Variants in RABGAP1L observed in about 807,000 individuals in gnomAD.
RABGAP1L encodes RAB GTPase activating protein 1 like.
A neutral mutation model predicts 137.7 loss-of-function variants in RABGAP1L; 63 were observed. The ratio of observed to expected loss-of-function variants is 0.46; its 90% confidence interval spans 0.37 to 0.56. RABGAP1L has a LOEUF of 0.56. Among genes scored for constraint, RABGAP1L ranks in the 20% least tolerant of loss-of-function variants. The pLI is 0.00. For synonymous variants in RABGAP1L, 431 were observed against 433.7 expected (o/e 0.99, Z 0.08); for missense variants, 1,095 against 1,244.0 (o/e 0.88, Z 1.80).
At chr1:174,640,022 T>C (rs1238499090) in intron 14 of RABGAP1L, among the ~76,000 whole-genome samples, 1 of 152,166 alleles carries the variant, frequency 6.6e-6, no homozygotes, top group Admixed American at 6.6e-5. Flanking sequence ...CACACTAAAT[T>C]TTGTGAAGAT....
chr1:174,225,972 CG>C (rs371608154), intron 3 of RABGAP1L, among the ~76,000 whole-genome samples: 6 of 152,136 alleles, frequency 3.9e-5, no homozygotes, highest in African/African-American at 1.4e-4. Context: ...AGTACCACCG[CG>C]ACTACCAGCA....
At chr1:174,575,231 C>T (rs1387386078) in intron 13 of RABGAP1L, among the ~76,000 whole-genome samples, 1 of 152,102 alleles carries the variant, frequency 6.6e-6, no homozygotes, top group African/African-American at 2.4e-5. Context: ...TGCCTGGCCT[C>T]TTTTAAAAGT....
At chr1:174,596,536 A>T (rs1189197879) in intron 13 of RABGAP1L, among the ~76,000 whole-genome samples, 3 of 152,210 alleles carry the variant, frequency 2.0e-5, no homozygotes, top group Non-Finnish European at 2.9e-5. Context: ...TGGCATATTT[A>T]AATGCTATTG....
At chr1:174,224,105 G>A (rs1390666032) in intron 3 of RABGAP1L, among the ~76,000 whole-genome samples, 1 of 152,126 alleles carries the variant, frequency 6.6e-6, no homozygotes, top group African/African-American at 2.4e-5. Flanking sequence ...GAAAACAATG[G>A]AGCATATTTT....
chr1:174,430,580 A>G (rs1268620845), intron 13 of RABGAP1L, among the ~76,000 whole-genome samples: 3 of 152,182 alleles, frequency 2.0e-5, no homozygotes, highest in African/African-American at 7.2e-5. Context: ...TCTAGGGCAG[A>G]GCATTCAAGA....
At chr1:174,378,224 T>C (rs1031447217) in intron 12 of RABGAP1L, among the ~76,000 whole-genome samples, 2 of 151,104 alleles carry the variant, frequency 1.3e-5, no homozygotes, top group African/African-American at 4.9e-5. Flanking sequence ...TTTGCTATTG[T>C]GAATAATGCC....
intron 20 of RABGAP1L, chr1:174,965,049 G>A: frequency 8.2e-7 from 1 of 1,222,852 alleles, no homozygotes; most frequent in Non-Finnish European, 1.1e-6. Flanking sequence ...GAAAAATGCA[G>A]TATCCTCCTC....
intron 20 of RABGAP1L, among the ~76,000 whole-genome samples, chr1:174,967,105 T>G (rs938237625): frequency 6.6e-6 from 1 of 151,714 alleles, no homozygotes; most frequent in Non-Finnish European, 1.5e-5. Flanking sequence ...TTTATTGGGG[T>G]TTTTTTCCCC....
chr1:174,686,992 A>AT (rs1678524320), intron 15 of RABGAP1L, among the ~76,000 whole-genome samples: 1 of 151,798 alleles, frequency 6.6e-6, no homozygotes, highest in South Asian at 2.1e-4. Context: ...GTAGTTTAGC[A>AT]TTTTTTACCT....
At chr1:174,237,837 A>C (rs866986929) in intron 4 of RABGAP1L, among the ~76,000 whole-genome samples, 24 of 149,250 alleles carry the variant, frequency 1.6e-4, no homozygotes, top group Non-Finnish European at 2.9e-4. Context: ...GATTGGGGAA[A>C]TTCTCCTGGA....
chr1:174,612,088 C>T (rs1572505811), intron 13 of RABGAP1L, among the ~76,000 whole-genome samples: 1 of 152,156 alleles, frequency 6.6e-6, no homozygotes, highest in South Asian at 2.1e-4. Context: ...ACTTCTAACA[C>T]TATGTTGAAT....
At chr1:174,224,398 A>T (rs1670004798) in intron 3 of RABGAP1L, among the ~76,000 whole-genome samples, 1 of 152,130 alleles carries the variant, frequency 6.6e-6, no homozygotes. Flanking sequence ...TGAACCCAGG[A>T]GGCGGAGGTT....
At chr1:174,550,314 A>G (rs183715045) in intron 13 of RABGAP1L, among the ~76,000 whole-genome samples, 1 of 152,350 alleles carries the variant, frequency 6.6e-6, no homozygotes, top group Admixed American at 6.5e-5. Context: ...GTCATGAATA[A>G]GTAATCACCA....
intron 1 of RABGAP1L, 29 bp from the exon 2 acceptor site, chr1:174,219,093 GTTT>G: frequency 8.9e-7 from 1 of 1,119,386 alleles, no homozygotes; most frequent in Non-Finnish European, 1.2e-6. Context: ...TAATCAGTAG[GTTT>G]TTTTTTTTAA....
At chr1:174,716,883 C>T (rs1289212464) in intron 17 of RABGAP1L, among the ~76,000 whole-genome samples, 3 of 152,176 alleles carry the variant, frequency 2.0e-5, no homozygotes, top group Non-Finnish European at 4.4e-5. Context: ...GCACTTAAAG[C>T]ACCTGGTAGT....
At chr1:174,971,541 T>A (rs372179757) in intron 21 of RABGAP1L, among the ~76,000 whole-genome samples, 3 of 152,332 alleles carry the variant, frequency 2.0e-5, no homozygotes, top group East Asian at 3.9e-4. Context: ...AAAGTAAATA[T>A]GACCTGGACC....
chr1:174,965,115 A>C, intron 20 of RABGAP1L: 1 of 633,830 alleles, frequency 1.6e-6, no homozygotes. Flanking sequence ...ATAAGGGGTG[A>C]AACTATGAGG....
intron 18 of RABGAP1L, among the ~76,000 whole-genome samples, chr1:174,798,279 C>T (rs373398363): frequency 6.0e-5 from 9 of 148,936 alleles, no homozygotes; most frequent in Middle Eastern, 3.6e-3. Flanking sequence ...TGGTGGCGGG[C>T]GCTTGTAGTC....
intron 13 of RABGAP1L, among the ~76,000 whole-genome samples, chr1:174,463,314 A>G (rs1656916074): frequency 6.7e-6 from 1 of 150,046 alleles, no homozygotes; most frequent in Non-Finnish European, 1.5e-5. Flanking sequence ...CATATACACC[A>G]TGGAATACTA....
Sources: gnomAD v4.1 joint callset for allele counts (sites outside exome capture counted in the v4.1 genomes callset) on GRCh38, gnomAD v4.1.1 for gene constraint, MANE v1.5 for transcripts, NCBI Gene and HGNC (gene_info 2026-07-23, HGNC 2026-07-21) for gene names.